The following COMT variants were observed in gnomAD, a reference collection of about 807,000 sequenced individuals.
COMT encodes catechol-O-methyltransferase.
COMT carries 13 observed loss-of-function variants against 18.9 expected under a neutral mutation model. That is an observed-to-expected ratio of 0.69 (90% confidence interval 0.45 to 1.09). The LOEUF (loss-of-function observed/expected upper bound fraction) is 1.09. Ranked by LOEUF, COMT falls within the 50% of genes least tolerant of loss-of-function variation. The pLI is 0.00. For synonymous variants in COMT, 150 were observed against 160.9 expected, an observed-to-expected ratio of 0.93 and a Z score of 0.51; for missense variants, 329 against 361.8, an observed-to-expected ratio of 0.91 and a Z score of 0.73.
chr22:19,962,562 GT>G lies in COMT; in HGVS notation c.38del (p.Leu13CysfsTer14). On this transcript the variant is annotated frameshift_variant, in exon 3 of 6. Transcript: ENST00000361682. LOFTEE classifies it high-confidence loss of function. Reference protein sequence around the residue: ...EAPPLLLAAVLLGLVLLVVLL... With the variant: ...EAPPLLLAAVXLGLVLLVVLL... ...CCCCGCCTCTGCTGTTGGCAGCTGT[GT>G]TGCTGGGCCTGGTGCTGCTGGTGGT... The G allele has an allele frequency of 6.4e-7, 1 of 1,564,512 alleles. No homozygotes were observed. The highest frequency in any genetic ancestry group is 8.7e-7 in the Non-Finnish European group (1 of 1,155,338).
intron 1 of COMT, among the ~76,000 whole-genome samples, chr22:19,958,096 CT>C (rs67723095): frequency 2.0e-5 from 3 of 150,800 alleles, no homozygotes; most frequent in Admixed American, 6.6e-5. Context: ...TCTATTTTAA[CT>C]TTTTTTTATT....
intron 1 of COMT, among the ~76,000 whole-genome samples, chr22:19,954,731 A>G (rs982624189): frequency 2.6e-5 from 4 of 152,124 alleles, no homozygotes; most frequent in African/African-American, 9.7e-5. Flanking sequence ...GGGATTACAG[A>G]CGTGAGCCAC....
At chr22:19,962,950 G>A (rs1569133176) in intron 3 of COMT, 135 bp downstream of exon 3, 6 of 1,195,736 alleles carry the variant, frequency 5.0e-6, no homozygotes, top group Admixed American at 5.5e-5. Context: ...GATAGGGCTG[G>A]GGGGCTCCTC....
At position 19,966,958 on chromosome 22, in the gene COMT, T is replaced by C. The variant is rs925327002; in HGVS notation, c.616-1578T>C. On this transcript the variant is annotated intron_variant, in intron 5 of 5. Transcript: ENST00000361682. ...CACGGCATTAGATTTTCAGTCCTGC[T>C]CAGACGCTGATGCATGTTTAGCCAG... is the stretch of plus-strand genomic sequence containing the variant. The C allele has an allele frequency of 3.0e-6, 3 of 985,288 alleles. 1 individual carries two copies. The highest frequency in any genetic ancestry group is 3.6e-6 in the Non-Finnish European group (3 of 829,934). 61.0% of individuals were successfully genotyped at this position (985,288 alleles called of 1,614,324 possible).
chr22:19,959,476 C>T (rs1050631940), intron 1 of COMT, among the ~76,000 whole-genome samples: 1 of 152,220 alleles, frequency 6.6e-6, no homozygotes, highest in South Asian at 2.1e-4. Context: ...CGGGGCCTCC[C>T]CTTCTGGGGC....
At chr22:19,956,137 C>CTTTTTTTTTTTTTTTTTTTTTTTTT (rs71186638) in intron 1 of COMT, among the ~76,000 whole-genome samples, 86 of 84,822 alleles carry the variant, frequency 1.0e-3, no homozygotes, top group East Asian at 1.5e-3. Flanking sequence ...TTCTTTTTTT[C>CTTTTTTTTTTTTTTTTTTTTTTTTT]TTTTTTTTTT....
At chr22:19,949,424 C>T (rs146251468) in intron 1 of COMT, among the ~76,000 whole-genome samples, 304 of 152,272 alleles carry the variant, frequency 2.0e-3, no homozygotes, top group Non-Finnish European at 3.5e-3. Context: ...TACTTCAGGA[C>T]AAAATTACAT....
rs532822625 is a variant in COMT, at chr22:19,963,387, G to T, written c.290-179G>T. The T allele has an allele frequency of 4.3e-6, 3 of 693,072 alleles. No individual in the cohort carries two copies. In the Admixed American group the frequency reaches 7.2e-5, roughly 17 times the overall value. The allele number at this position is 693,072 out of a possible 1,614,324, so 42.9% of individuals were successfully genotyped here. ...TGGGGACCAGGTCCTGGGGGCTGGGGACACCAGGGAGGTGAAATACCCCTC... is the reference window on the plus strand; with the variant it reads ...TGGGGACCAGGTCCTGGGGGCTGGGTACACCAGGGAGGTGAAATACCCCTC... On this transcript the variant is annotated intron_variant, in intron 3 of 5. Transcript: ENST00000361682.
rs1198067157 is a variant in COMT, at chr22:19,969,469, C to T, written c.*733C>T. On this transcript the variant is annotated 3_prime_UTR_variant, in exon 6 of 6. Transcript: ENST00000361682. ...CGCATCCCTGTAGTTGCCTCCCTGG[C>T]CCATGAGTGAGGATGCAGTGCTGGT... The T allele has an allele frequency of 6.6e-6, 1 of 152,354 alleles. No individual in the cohort carries two copies. The highest frequency in any genetic ancestry group is 1.5e-5 in the Non-Finnish European group (1 of 68,182). 9.4% of individuals were successfully genotyped at this position (152,354 alleles called of 1,614,324 possible). A position where few individuals can be genotyped will look rare whatever the true frequency, so the allele number is the denominator to read the frequency against.
At chr22:19,958,865 C>T (rs937804652) in intron 1 of COMT, among the ~76,000 whole-genome samples, 1 of 151,990 alleles carries the variant, frequency 6.6e-6, no homozygotes, top group African/African-American at 2.4e-5. Flanking sequence ...GCACTCCAGG[C>T]TGAGCGACAG....
Position 19,968,630 on chromosome 22 carries a change from G to C in COMT, c.710G>C (p.Ser237Thr). Residue 237 changes from serine to threonine, a missense_variant, in exon 6 of 6, where the codon AGC (serine) becomes ACC (threonine). Transcript: ENST00000361682. ...TTCCTAGCACACGTGCGCGGGAGCA[G>C]CTGCTTTGAGTGCACACACTACCAA... ...PDFLAHVRGS[S>T]CFECTHYQSF... 1 of 1,614,092 alleles carries C rather than the reference G, an allele frequency of 6.2e-7. No homozygotes were observed. The highest frequency in any genetic ancestry group is 1.3e-5 in the African/African-American group (1 of 75,038).
chr22:19,967,315 C>T, intron 5 of COMT: 1 of 861,802 alleles, frequency 1.2e-6, no homozygotes, highest in Non-Finnish European at 1.7e-6. Context: ...AGGCAGCCGC[C>T]CTGCTCAAGG....
intron 1 of COMT, among the ~76,000 whole-genome samples, chr22:19,946,795 G>A (rs929296939): frequency 6.6e-6 from 1 of 151,900 alleles, no homozygotes; most frequent in African/African-American, 2.4e-5. Context: ...TTGGCAGAAG[G>A]GTATTCACCA....
rs546473665 is a variant in COMT, at chr22:19,963,898, C to G, written c.483+139C>G. 29 of 1,256,156 alleles carry G rather than the reference C, an allele frequency of 2.3e-5. No individual in the cohort carries two copies. The East Asian group carries it at 7.3e-4, about 32-fold the overall frequency. The allele number at this position is 1,256,156 out of a possible 1,614,324, so 77.8% of individuals were successfully genotyped here. Reference sequence around the variant, plus strand: ...ACTATCACCAGGCCCCTCAGTGCTTCCCAGCCTGGGGCTGAGGAAAGACCC... The same window carrying G: ...ACTATCACCAGGCCCCTCAGTGCTTGCCAGCCTGGGGCTGAGGAAAGACCC... On this transcript the variant is annotated intron_variant, in intron 4 of 5. Transcript: ENST00000361682.
rs1005254128 is a variant in COMT, at chr22:19,941,809, T to C, written c.-180T>C. On this transcript the variant is annotated 5_prime_UTR_variant, in exon 1 of 6. Transcript: ENST00000361682. The stretch of plus-strand genomic sequence containing the variant: ...GCCACCGCCATTGCCGCCATCGTCG[T>C]GGGGCTTCTGGGGCAGCTAGGGCTG... 2 of 1,524,320 alleles carry C rather than the reference T, an allele frequency of 1.3e-6. No homozygotes were observed. Among genetic ancestry groups the C allele is most frequent in the East Asian group, 2.7e-5 (1 of 37,390 alleles). The allele number at this position is 1,524,320 out of a possible 1,614,324, so 94.4% of individuals were successfully genotyped here. A position where few individuals can be genotyped will look rare whatever the true frequency, so the allele number is the denominator to read the frequency against.
chr22:19,943,718 T>G lies in COMT; in HGVS notation c.-92+1821T>G, dbSNP rs1941787521. On this transcript the variant is annotated intron_variant, in intron 1 of 5. Coordinates refer to ENST00000361682, the MANE Select transcript of COMT (RefSeq NM_000754.4). ...AAACAAAGATGAATGGAGCTGTTGA[T>G]AAACCCAGTTTTTGAGCCTACAGGG... is the stretch of plus-strand genomic sequence containing the variant. Among the ~76,000 whole-genome samples, 9 of 152,220 alleles carry G rather than the reference T, an allele frequency of 5.9e-5. 1 individual carries two copies. In the South Asian group the frequency reaches 1.9e-3, roughly 32 times the overall value.
rs560540203 is a variant in COMT at position 19,962,933 on chromosome 22, A to G, written c.289+118A>G. 1.1e-4 allele frequency: 143 copies of G among 1,316,478 alleles called. No homozygotes were observed. The African/African-American group carries it at 2.0e-3, about 18-fold the overall frequency. The allele number at this position is 1,316,478 out of a possible 1,614,324, so 81.5% of individuals were successfully genotyped here. On this transcript the variant is annotated intron_variant, in intron 3 of 5. Transcript: ENST00000361682. ...TCCAGGGGGCTGGGAACCCTGGGATATGCCCAGATAGGGCTGGGGGGCTCC... is the reference window on the plus strand; with the variant it reads ...TCCAGGGGGCTGGGAACCCTGGGATGTGCCCAGATAGGGCTGGGGGGCTCC...
In COMT at chr22:19,964,287, G is replaced by A. The variant is rs769492487; in HGVS notation, c.603G>A (p.Thr201=). 1.7e-5 allele frequency: 28 copies of A among 1,613,890 alleles called. No individual in the cohort carries two copies. Among genetic ancestry groups the A allele is most frequent in the Middle Eastern group, 1.6e-4 (1 of 6,084 alleles). Residue 201 remains threonine, a synonymous_variant, in exon 5 of 6, where the codon ACG becomes ACA. Coordinates refer to ENST00000361682, the MANE Select transcript of COMT (RefSeq NM_000754.4). ...GGAAGGACCGGTACCTGCCGGACAC[G>A]CTTCTCTTGGAGGTGAGCCCCAACC... ...DHWKDRYLPD[T]LLLEECGLLR... is the part of the protein sequence containing the mutation.
chr22:19,952,376 A>AC (rs1941957944), intron 1 of COMT, among the ~76,000 whole-genome samples: 1 of 152,054 alleles, frequency 6.6e-6, no homozygotes, highest in Non-Finnish European at 1.5e-5. Context: ...GCGGTGGCTC[A>AC]TGCCTGTAAT....
Sources: gnomAD v4.1 joint callset for allele counts (sites outside exome capture counted in the v4.1 genomes callset) on GRCh38, gnomAD v4.1.1 for gene constraint, MANE v1.5 for transcripts, NCBI Gene and HGNC (gene_info 2026-07-23, HGNC 2026-07-21) for gene names.